Variants in UBE2E2 observed in about 807,000 individuals in gnomAD.
UBE2E2 encodes ubiquitin conjugating enzyme E2 E2.
A neutral mutation model predicts 24.7 loss-of-function variants in UBE2E2; 6 were observed. The ratio of observed to expected loss-of-function variants is 0.24; its 90% CI spans 0.13 to 0.48. UBE2E2 has a LOEUF of 0.48. Ranked by LOEUF, UBE2E2 falls within the 20% of genes least tolerant of loss-of-function variation. The probability of loss-of-function intolerance (pLI) is 0.99; values close to 1 mark genes in which losing one functional copy is unlikely to be tolerated. For missense variants in UBE2E2, 169 were observed against 245.0 expected, an observed-to-expected ratio of 0.69 and a Z score of 2.07; for synonymous variants, 104 against 83.6, an observed-to-expected ratio of 1.24 and a Z score of -1.33.
intron 3 of UBE2E2, among the ~76,000 whole-genome samples, chr3:23,359,058 A>G (rs2125329375): frequency 6.6e-6 from 1 of 152,306 alleles, no homozygotes; most frequent in South Asian, 2.1e-4. Context: ...AGCAGCCATG[A>G]TCTGATCTCA....
chr3:23,328,979 G>A (rs945716187), intron 3 of UBE2E2, among the ~76,000 whole-genome samples: 2 of 152,098 alleles, frequency 1.3e-5, no homozygotes, highest in Non-Finnish European at 2.9e-5. Context: ...CCTTAATCTC[G>A]ATAGGCTTTT....
chr3:23,223,917 G>A (rs1054509969), intron 3 of UBE2E2, among the ~76,000 whole-genome samples: 3 of 152,012 alleles, frequency 2.0e-5, no homozygotes, highest in Non-Finnish European at 2.9e-5. Context: ...TTTTCCCATT[G>A]CGTGTTATTG....
At chr3:23,350,591 A>G (rs1695715208) in intron 3 of UBE2E2, among the ~76,000 whole-genome samples, 1 of 152,248 alleles carries the variant, frequency 6.6e-6, no homozygotes, top group African/African-American at 2.4e-5. Flanking sequence ...TGAAGAATAC[A>G]GAAGCCTCAG....
chr3:23,573,756 CTTG>C (rs1696278663), intron 5 of UBE2E2, among the ~76,000 whole-genome samples: 1 of 152,138 alleles, frequency 6.6e-6, no homozygotes, highest in Non-Finnish European at 1.5e-5. Context: ...TAAATAGCTG[CTTG>C]TTGTCAGCTG....
At chr3:23,565,951 T>G (rs1440103002) in intron 5 of UBE2E2, among the ~76,000 whole-genome samples, 1 of 152,290 alleles carries the variant, frequency 6.6e-6, no homozygotes, top group Non-Finnish European at 1.5e-5. Context: ...ACTAAATTGT[T>G]GTCCAGAGTT....
chr3:23,481,280 G>A lies in UBE2E2; in HGVS notation c.228-18328G>A, dbSNP rs147113626. Among the ~76,000 whole-genome samples, 12 of 152,184 alleles carry A rather than the reference G, an allele frequency of 7.9e-5. No homozygotes were observed. In the East Asian group the frequency reaches 1.9e-3, roughly 24 times the overall value. ...ATCCTTTCAAATGCTACTCTATCCC[G>A]TCCACCTGCATCAAATGAGTAATAG... is the stretch of plus-strand genomic sequence containing the variant. On this transcript the variant is annotated intron_variant, in intron 3 of 5. Transcript: ENST00000396703.
chr3:23,282,658 TATTTTG>T, intron 3 of UBE2E2, among the ~76,000 whole-genome samples: 1 of 152,348 alleles, frequency 6.6e-6, no homozygotes, highest in East Asian at 1.9e-4. Context: ...ATACAAATTC[TATTTTG>T]ATATGCCAAC....
At position 23,591,714 on chromosome 3, in the gene UBE2E2, C is replaced by G. The variant is rs1488957461; in HGVS notation, c.*1883C>G. On this transcript the variant is annotated 3_prime_UTR_variant, in exon 6 of 6. Coordinates refer to ENST00000396703, the MANE Select transcript of UBE2E2 (RefSeq NM_152653.4). ...AATCCCTGACACAGACCAACATAGA[C>G]TGGGGGCTGGATGAAAAACAAATAA... 1 of 152,190 alleles carries G rather than the reference C, an allele frequency of 6.6e-6. No individual in the cohort carries two copies. Among genetic ancestry groups the G allele is most frequent in the Non-Finnish European group, 1.5e-5 (1 of 68,034 alleles). The allele number at this position is 152,190 out of a possible 1,614,324, so 9.4% of individuals were successfully genotyped here. A position where few individuals can be genotyped will look rare whatever the true frequency, so the allele number is the denominator to read the frequency against.
intron 5 of UBE2E2, among the ~76,000 whole-genome samples, chr3:23,558,091 A>T (rs1003915647): frequency 6.6e-6 from 1 of 152,232 alleles, no homozygotes; most frequent in African/African-American, 2.4e-5. Context: ...TGTCAACAAT[A>T]GTAACTGGGC....
intron 3 of UBE2E2, among the ~76,000 whole-genome samples, chr3:23,446,076 G>T (rs1698423038): frequency 6.6e-6 from 1 of 152,150 alleles, no homozygotes; most frequent in South Asian, 2.1e-4. Flanking sequence ...ATGCACCATA[G>T]CTGGGACCTG....
rs1696764538 is a variant in UBE2E2, at chr3:23,591,593, C to T, written c.*1762C>T. On this transcript the variant is annotated 3_prime_UTR_variant, in exon 6 of 6. Coordinates refer to ENST00000396703, the MANE Select transcript of UBE2E2 (RefSeq NM_152653.4). ...CCTCTAGTTGTAGTAGAGGGAGCCA[C>T]AGACAGTACATAAATGCATTGGGCA... The T allele has an allele frequency of 6.6e-6, 1 of 152,286 alleles. No individual in the cohort carries two copies. The highest frequency in any genetic ancestry group is 1.9e-4 in the East Asian group (1 of 5,188). The allele number at this position is 152,286 out of a possible 1,614,324, so 9.4% of individuals were successfully genotyped here. A position where few individuals can be genotyped will look rare whatever the true frequency, so the allele number is the denominator to read the frequency against.
chr3:23,561,986 T>G (rs1695942853), intron 5 of UBE2E2, among the ~76,000 whole-genome samples: 1 of 152,224 alleles, frequency 6.6e-6, no homozygotes, highest in South Asian at 2.1e-4. Context: ...AATGGGATTT[T>G]CTAGATATAC....
chr3:23,459,178 G>T (rs1333901049), intron 3 of UBE2E2, among the ~76,000 whole-genome samples: 1 of 152,144 alleles, frequency 6.6e-6, no homozygotes, highest in Non-Finnish European at 1.5e-5. Flanking sequence ...AATACTTTAA[G>T]TAAGCAAATC....
chr3:23,339,958 A>G (rs569744805), intron 3 of UBE2E2, among the ~76,000 whole-genome samples: 14 of 152,244 alleles, frequency 9.2e-5, no homozygotes, highest in South Asian at 2.1e-4. Context: ...AAAAAGAGTT[A>G]GGATGAAAAG....
intron 3 of UBE2E2, among the ~76,000 whole-genome samples, chr3:23,270,634 G>A (rs150497060): frequency 1.6e-4 from 24 of 152,230 alleles, no homozygotes; most frequent in Middle Eastern, 3.4e-3. Context: ...TGAGTGTTTC[G>A]GTCTCTGAAG....
In UBE2E2 at chr3:23,217,977, A is replaced by C. The variant is rs888472934; in HGVS notation, c.227+665A>C. On this transcript the variant is annotated intron_variant, in intron 3 of 5. Transcript: ENST00000396703. ...GCTGCTGCTTTGGGTCTGGTGCAGTAGTTAGAAGATGGCTGTTTGGTTATT... is the reference window on the plus strand; with the variant it reads ...GCTGCTGCTTTGGGTCTGGTGCAGTCGTTAGAAGATGGCTGTTTGGTTATT... Among the ~76,000 whole-genome samples the C allele has an allele frequency of 6.6e-5, 10 of 152,240 alleles. 2 individuals are homozygous for C. The highest frequency in any genetic ancestry group is 1.3e-4 in the Admixed American group (2 of 15,280).
At chr3:23,548,159 G>C (rs1296968650) in intron 5 of UBE2E2, among the ~76,000 whole-genome samples, 1 of 152,034 alleles carries the variant, frequency 6.6e-6, no homozygotes, top group Non-Finnish European at 1.5e-5. Flanking sequence ...AATCCTAATA[G>C]AAAAAGCAAC....
chr3:23,352,634 A>G (rs1342401300), intron 3 of UBE2E2, among the ~76,000 whole-genome samples: 1 of 152,242 alleles, frequency 6.6e-6, no homozygotes, highest in Non-Finnish European at 1.5e-5. Flanking sequence ...GAAAATCTAG[A>G]AGAAATGGAT....
chr3:23,268,858 T>C (rs1185399158), intron 3 of UBE2E2, among the ~76,000 whole-genome samples: 11 of 152,004 alleles, frequency 7.2e-5, no homozygotes, highest in Non-Finnish European at 1.3e-4. Context: ...AACAGAGATA[T>C]AGATCAATGG....
Sources: gnomAD v4.1 joint callset for allele counts (sites outside exome capture counted in the v4.1 genomes callset) on GRCh38, gnomAD v4.1.1 for gene constraint, MANE v1.5 for transcripts, NCBI Gene and HGNC (gene_info 2026-07-23, HGNC 2026-07-21) for gene names.